Variants in TGS1 observed in about 807,000 individuals in gnomAD.
TGS1 encodes trimethylguanosine synthase 1, also known as trimethylguanosine synthase.
Under a neutral mutation model 92.2 loss-of-function variants are expected in TGS1, and 69 were observed. The ratio of observed to expected loss-of-function variants is 0.75; its 90% CI spans 0.62 to 0.91. TGS1 has a LOEUF of 0.91. Ranked by LOEUF, TGS1 falls within the 40% of genes least tolerant of loss-of-function variation. The pLI is 0.00. For missense variants in TGS1, 1,062 were observed against 1,001.2 expected, an observed-to-expected ratio of 1.06 and a Z score of -0.82; for synonymous variants, 345 against 338.1, an observed-to-expected ratio of 1.02 and a Z score of -0.22.
chr8:55,801,010 A>G (rs566509678), intron 8 of TGS1, among the ~76,000 whole-genome samples: 5 of 152,354 alleles, frequency 3.3e-5, no homozygotes, highest in African/African-American at 1.2e-4. Context: ...CACTCTCTGA[A>G]TGAATGAGAT....
At chr8:55,815,325 A>AT (rs1269705277) in intron 12 of TGS1, among the ~76,000 whole-genome samples, 2 of 151,868 alleles carry the variant, frequency 1.3e-5, no homozygotes. Flanking sequence ...AAGTGTATTA[A>AT]TTTTTTTTGC....
intron 6 of TGS1, among the ~76,000 whole-genome samples, chr8:55,793,708 C>T (rs1187368279): frequency 2.0e-5 from 3 of 151,954 alleles, no homozygotes; most frequent in African/African-American, 7.2e-5. Flanking sequence ...GCTGGGACTA[C>T]AGGCATGCAC....
intron 2 of TGS1, among the ~76,000 whole-genome samples, chr8:55,783,922 G>C (rs1811640068): frequency 6.6e-6 from 1 of 152,180 alleles, no homozygotes; most frequent in African/African-American, 2.4e-5. Context: ...ATAAAACTTA[G>C]CTTACTCATT....
At position 55,792,778 on chromosome 8, in the gene TGS1, G is replaced by A. The variant is rs1053013703; in HGVS notation, c.1361G>A (p.Gly454Glu). ...CTTCTAGGATTCAAGTATGGCTCAG[G>A]ACAAAAGTAATTATTCATAAAAGCT... ...GSLLGFKYGS[G>E]QKYGGIPNFS... Residue 454 changes from glycine (G) to glutamate (E), a missense_variant, in exon 6 of 13, where the codon GGA becomes GAA. Transcript: ENST00000260129. The A allele has an allele frequency of 6.2e-7, 1 of 1,610,822 alleles. No homozygotes were observed. Among genetic ancestry groups the A allele is most frequent in the Non-Finnish European group, 8.5e-7 (1 of 1,177,138 alleles).
chr8:55,776,603 C>T (rs919377523), intron 1 of TGS1, among the ~76,000 whole-genome samples: 14 of 152,090 alleles, frequency 9.2e-5, no homozygotes, highest in Non-Finnish European at 1.8e-4. Context: ...TGCAAATAAC[C>T]GATTAGGTCA....
At position 55,785,883 on chromosome 8, in the gene TGS1, G is replaced by A; in HGVS notation, c.331G>A (p.Asp111Asn). The change falls in exon 3 of 13, where the codon GAT becomes AAT. Residue 111 changes from aspartate to asparagine, a missense_variant. Transcript: ENST00000260129. Reference sequence around the variant, plus strand: ...ATTTGGTAGGATAACTGCACATAAGGATTTTGAGGTAAATATTAATTTACT... The same window carrying A: ...ATTTGGTAGGATAACTGCACATAAGAATTTTGAGGTAAATATTAATTTACT... ...LQFGRITAHK[D>N]FEVSMNTRNK... is the part of the protein sequence containing the mutation. The A allele has an allele frequency of 6.3e-7, 1 of 1,589,166 alleles. No homozygotes were observed. Among genetic ancestry groups the A allele is most frequent in the Non-Finnish European group, 8.5e-7 (1 of 1,171,564 alleles).
At chr8:55,823,131 C>T (rs1803695014) in intron 12 of TGS1, among the ~76,000 whole-genome samples, 1 of 152,176 alleles carries the variant, frequency 6.6e-6, no homozygotes, top group Non-Finnish European at 1.5e-5. Context: ...CCCTGAAAAA[C>T]TGATCTCTGG....
At chr8:55,786,010 AATGT>A in intron 3 of TGS1, 119 bp downstream of exon 3, 1 of 815,622 alleles carries the variant, frequency 1.2e-6, no homozygotes, top group Non-Finnish European at 1.9e-6. Context: ...CCTCTTTTTA[AATGT>A]ATGTATTTAT....
rs781515407 is a variant in TGS1, at chr8:55,813,061, TAAG to T, written c.2387_2389del (p.Lys796del). 3.7e-6 allele frequency: 6 copies of T among 1,609,766 alleles called. No individual in the cohort carries two copies. The African/African-American group carries it at 5.3e-5, about 14-fold the overall frequency. ...CCACCTTTGAAATTTTCAGACTTTC[TAAG>T]AAGATCACTAATAATATTGTTTATT... On this transcript the variant is annotated inframe_deletion, in exon 12 of 13. Coordinates refer to ENST00000260129, the MANE Select transcript of TGS1 (RefSeq NM_024831.8).
At chr8:55,813,982 C>CT (rs1200294795) in intron 12 of TGS1, among the ~76,000 whole-genome samples, 1 of 152,142 alleles carries the variant, frequency 6.6e-6, no homozygotes, top group Non-Finnish European at 1.5e-5. Flanking sequence ...CCATATCGCT[C>CT]TATCACCCAG....
Position 55,811,011 on chromosome 8 carries a change from T to C in TGS1, c.2274T>C (p.Asp758=). The change falls in exon 11 of 13, where the codon GAT becomes GAC. Residue 758 remains aspartate, a synonymous_variant. Coordinates refer to ENST00000260129, the MANE Select transcript of TGS1 (RefSeq NM_024831.8). ...TGCTGGCTTCTTTTTTAAAGGCTGA[T>C]GTTGTGTTCCTCAGCCCACCTTGGG... ...FLLLASFLKA[D]VVFLSPPWGG... is the part of the protein sequence containing the mutation. 6.2e-7 allele frequency: 1 copy of C among 1,614,184 alleles called. No homozygotes were observed. The highest frequency in any genetic ancestry group is 8.5e-7 in the Non-Finnish European group (1 of 1,180,004).
In TGS1 at chr8:55,786,276, GA is replaced by G. The variant is rs768753729; in HGVS notation, c.384del (p.Lys128AsnfsTer7). ...CTAGAAATAAAGTTAAAATAAAAAAGAAAAAACATCAAAAGAAATACTTAGA... is the reference window on the plus strand; with the variant it reads ...CTAGAAATAAAGTTAAAATAAAAAAGAAAAACATCAAAAGAAATACTTAGA... ...NTRNKVKIKK[K>X]KHQKKYLDEI... On this transcript the variant is annotated frameshift_variant, in exon 4 of 13. Coordinates refer to ENST00000260129, the MANE Select transcript of TGS1 (RefSeq NM_024831.8). LOFTEE classifies it high-confidence loss of function. 5.3e-6 allele frequency: 8 copies of G among 1,513,978 alleles called. No homozygotes were observed. The highest frequency in any genetic ancestry group is 1.2e-5 in the South Asian group (1 of 80,132). 93.8% of individuals were successfully genotyped at this position (1,513,978 alleles called of 1,614,324 possible).
chr8:55,826,244 C>G lies in TGS1; in HGVS notation c.*1541C>G, dbSNP rs1803789842. Among the ~76,000 whole-genome samples the G allele has an allele frequency of 6.6e-6, 1 of 152,058 alleles. No homozygotes were observed. Among genetic ancestry groups the G allele is most frequent in the Non-Finnish European group, 1.5e-5 (1 of 68,026 alleles). ...TTTTTTTTAGTTTTTTGTCACTTAACCTTTCTTGCATATACTTCTTTCCAC... is the reference window on the plus strand; with the variant it reads ...TTTTTTTTAGTTTTTTGTCACTTAAGCTTTCTTGCATATACTTCTTTCCAC... On this transcript the variant is annotated 3_prime_UTR_variant, in exon 13 of 13. Transcript: ENST00000260129.
intron 10 of TGS1, among the ~76,000 whole-genome samples, chr8:55,810,388 T>C (rs1293419108): frequency 6.6e-6 from 1 of 152,264 alleles, no homozygotes; most frequent in Admixed American, 6.5e-5. Flanking sequence ...TTCTTCTTCA[T>C]CACTTGGCTA....
In TGS1 at chr8:55,825,992, A is replaced by G. The variant is rs1039201827; in HGVS notation, c.*1289A>G. On this transcript the variant is annotated 3_prime_UTR_variant, in exon 13 of 13. Coordinates refer to ENST00000260129, the MANE Select transcript of TGS1 (RefSeq NM_024831.8). ...CAGCCTCCCGAGTAGCTGGGACTAC[A>G]GGCACCTGCCACCACATCCAGCTAA... Among the ~76,000 whole-genome samples, 2 of 151,840 alleles carry G rather than the reference A, an allele frequency of 1.3e-5. No homozygotes were observed. Among genetic ancestry groups the G allele is most frequent in the African/African-American group, 2.4e-5 (1 of 41,316 alleles).
intron 12 of TGS1, among the ~76,000 whole-genome samples, chr8:55,815,556 G>A (rs1240107179): frequency 6.6e-6 from 1 of 152,182 alleles, no homozygotes; most frequent in East Asian, 1.9e-4. Flanking sequence ...ACTGTCTGCT[G>A]TTTGAAACTC....
intron 1 of TGS1, among the ~76,000 whole-genome samples, chr8:55,780,326 C>CA (rs969844790): frequency 1.6e-4 from 24 of 152,178 alleles, no homozygotes; most frequent in African/African-American, 5.3e-4. Flanking sequence ...TGCACTACTA[C>CA]ACCTGACTAA....
At chr8:55,777,647 C>A (rs1374496573) in intron 1 of TGS1, among the ~76,000 whole-genome samples, 1 of 151,854 alleles carries the variant, frequency 6.6e-6, no homozygotes, top group Non-Finnish European at 1.5e-5. Context: ...TCAAGCAATT[C>A]TCGTGCCTCA....
intron 12 of TGS1, among the ~76,000 whole-genome samples, chr8:55,815,110 T>A (rs1162938172): frequency 6.6e-6 from 1 of 152,212 alleles, no homozygotes; most frequent in Non-Finnish European, 1.5e-5. Context: ...GAGAGGAAAT[T>A]CACTGTTTAT....
Sources: gnomAD v4.1 joint callset for allele counts (sites outside exome capture counted in the v4.1 genomes callset) on GRCh38, gnomAD v4.1.1 for gene constraint, MANE v1.5 for transcripts, NCBI Gene and HGNC (gene_info 2026-07-23, HGNC 2026-07-21) for gene names.